Variants in KMT2D observed in about 807,000 individuals in gnomAD.
KMT2D encodes lysine methyltransferase 2D, also known as histone-lysine N-methyltransferase 2D.
Under a neutral mutation model 512.7 loss-of-function variants are expected in KMT2D, and 55 were observed. The ratio of observed to expected loss-of-function variants is 0.11; its 90% CI spans 0.09 to 0.13. KMT2D has a LOEUF of 0.13. Among genes scored for constraint, KMT2D ranks in the 10% least tolerant of loss-of-function variants. The pLI is 1.00. For missense variants in KMT2D, 6,061 were observed against 7,127.9 expected, an observed-to-expected ratio of 0.85 and a Z score of 5.39; for synonymous variants, 2,995 against 2,904.0, an observed-to-expected ratio of 1.03 and a Z score of -1.01.
rs1565774857 is a variant in KMT2D, at chr12:49,032,252, G to T, written c.12453C>A (p.Asn4151Lys). The T allele has an allele frequency of 6.2e-7, 1 of 1,613,948 alleles. No homozygotes were observed. The highest frequency in any genetic ancestry group is 1.6e-4 in the Middle Eastern group (1 of 6,062). The change falls in exon 40 of 55, where the codon AAC (asparagine) becomes AAA (lysine). Residue 4151 changes from asparagine to lysine, a missense_variant. Physicochemically the swap from Asn to Lys is moderately conservative, Grantham distance 94. Transcript: ENST00000301067. ...LGDQPGSMTQNLLGPQQPMLE... is the reference protein window; with the variant it reads ...LGDQPGSMTQKLLGPQQPMLE... Reference sequence around the variant, plus strand: ...GCATGGGCTGTTGGGGGCCCAGAAGGTTCTGGGTCATGGACCCAGGCTGAT... The same window carrying T: ...GCATGGGCTGTTGGGGGCCCAGAAGTTTCTGGGTCATGGACCCAGGCTGAT...
chr12:49,036,992 A>C, intron 35 of KMT2D, 133 bp downstream of exon 35: 1 of 1,122,928 alleles, frequency 8.9e-7, no homozygotes, highest in Non-Finnish European at 1.2e-6. Context: ...CTCTACCACT[A>C]GTATGATATT....
chr12:49,036,459 G>GCACCACCA (rs1325815494), intron 35 of KMT2D, among the ~76,000 whole-genome samples: 37 of 145,164 alleles, frequency 2.5e-4, no homozygotes, highest in Admixed American at 1.0e-3. Context: ...CTACAGGCGT[G>GCACCACCA]CACCACCACA....
In KMT2D at chr12:49,052,548, C is replaced by T. The variant is rs530028496; in HGVS notation, c.1258+16G>A. On this transcript the variant is annotated intron_variant, in intron 10 of 54. Transcript: ENST00000301067. ...TAAAAGGGGATGAATTTCAGGGACC[C>T]TCAAACCCTACTCACCTAGTGGTTT... 6.5e-5 allele frequency: 105 copies of T among 1,611,662 alleles called. No homozygotes were observed. The Middle Eastern group carries it at 6.6e-4, about 10-fold the overall frequency.
Position 49,031,548 on chromosome 12 carries a change from G to A in KMT2D, c.13157C>T (p.Thr4386Ile), listed in dbSNP as rs778416089. The change falls in exon 40 of 55, where the codon ACC (threonine) becomes ATC (isoleucine). Residue 4386 changes from threonine (T) to isoleucine (I), a missense_variant. Coordinates refer to ENST00000301067, the MANE Select transcript of KMT2D (RefSeq NM_003482.4). ...PWDPPDNLAE[T>I]QKPEQSSLVP... ...CAGGCTGCTCTGCTCTGGCTTCTGG[G>A]TTTCTGCTAGGTTGTCTGGGGGATC... 13 of 1,604,372 alleles carry A rather than the reference G, an allele frequency of 8.1e-6. No individual in the cohort carries two copies. In the African/African-American group the frequency reaches 1.6e-4, roughly 20 times the overall value.
rs1942488788 is a variant in KMT2D, at chr12:49,024,704, G to C, written c.15926C>G (p.Pro5309Arg). The change falls in exon 51 of 55, where the codon CCC becomes CGC. Residue 5309 changes from proline to arginine, a missense_variant. Pro to Arg is a moderately radical substitution (Grantham distance 103, BLOSUM62 -2). Around this residue, in one of 16 missense-constraint regions of KMT2D, gnomAD observed 261 missense variants for 440.7 expected, o/e 0.59. Transcript: ENST00000301067. The surrounding 1 kb of genome is among the most constrained non-coding windows in gnomAD (Gnocchi z 4.5). The part of the protein sequence containing the change: ...HAVLRIAESL[P>R]GVESCQNYLF... The stretch of plus-strand genomic sequence containing the variant: ...ATAGTTTTGACAGCTCTCCACCCCG[G>C]GCAGCTGTGGGCACAGTTCATACTC... 2 of 1,613,484 alleles carry C rather than the reference G, an allele frequency of 1.2e-6. No individual in the cohort carries two copies. Among genetic ancestry groups the C allele is most frequent in the Non-Finnish European group, 1.7e-6 (2 of 1,179,660 alleles).
rs2120544602 is a variant in KMT2D, at chr12:49,041,295, G to C, written c.6475C>G (p.Leu2159Val). 6.6e-7 allele frequency: 1 copy of C among 1,526,046 alleles called. No individual in the cohort carries two copies. Among genetic ancestry groups the C allele is most frequent in the Non-Finnish European group, 8.8e-7 (1 of 1,139,960 alleles). The allele number at this position is 1,526,046 out of a possible 1,614,324, so 94.5% of individuals were successfully genotyped here. Residue 2159 changes from leucine (L) to valine (V), a missense_variant, in exon 32 of 55, where the codon CTC becomes GTC. Physicochemically the swap from Leu to Val is conservative, Grantham distance 32. This residue lies in a region of KMT2D where 710 missense variants were observed against 647.3 expected (regional missense o/e 1.10). Transcript: ENST00000301067. The surrounding 1 kb of genome is among the most constrained non-coding windows in gnomAD (Gnocchi z 5.4). ...SVPGPDSPGE[L>V]FLKLPPQVPA... ...ACCTGGGGTGGGAGCTTGAGGAAGA[G>C]CTCACCAGGCGAGTCAGGGCCAGGC... is the stretch of plus-strand genomic sequence containing the variant.
rs768543447 is a variant in KMT2D, at chr12:49,041,736, T to C, written c.6184-31A>G. 2 of 1,597,674 alleles carry C rather than the reference T, an allele frequency of 1.3e-6. No homozygotes were observed. Among genetic ancestry groups the C allele is most frequent in the Non-Finnish European group, 1.7e-6 (2 of 1,171,342 alleles). On this transcript the variant is annotated intron_variant, in intron 30 of 54. Coordinates refer to ENST00000301067, the MANE Select transcript of KMT2D (RefSeq NM_003482.4). The surrounding 1 kb of genome is among the most constrained non-coding windows in gnomAD (Gnocchi z 5.4). ...GGATATGGGACACAGCCTTAGGGCC[T>C]AGTGCTTGGTCTCATGCCCCGCCCC...
In KMT2D at chr12:49,039,038, C is replaced by A. The variant is rs752593741; in HGVS notation, c.8367-49G>T. Reference sequence around the variant, plus strand: ...TAGGATGAAATCAGATGAAAAGGAGCAAGAACATGGGCTTAGGGCAGTGAG... The same window carrying A: ...TAGGATGAAATCAGATGAAAAGGAGAAAGAACATGGGCTTAGGGCAGTGAG... On this transcript the variant is annotated intron_variant, in intron 34 of 54. Coordinates refer to ENST00000301067, the MANE Select transcript of KMT2D (RefSeq NM_003482.4). This position sits in a 1 kb window ranked among gnomAD's most constrained non-coding sequence, Gnocchi z 5.0. 6.5e-7 allele frequency: 1 copy of A among 1,542,596 alleles called. No individual in the cohort carries two copies. Among genetic ancestry groups the A allele is most frequent in the South Asian group, 1.2e-5 (1 of 84,766 alleles).
Position 49,022,640 on chromosome 12 carries a change from T to C in KMT2D, c.16288A>G (p.Ile5430Val). ...HTMVIEYIGT[I>V]IRNEVANRRE... ...CGGTTGGCCACCTCGTTCCGAATGA[T>C]GGTGCCAATGTACTCGATAACCATT... The change falls in exon 52 of 55, where the codon ATC (isoleucine) becomes GTC (valine). Residue 5430 changes from isoleucine to valine, a missense_variant. Transcript: ENST00000301067. The surrounding 1 kb of genome is among the most constrained non-coding windows in gnomAD (Gnocchi z 8.6). 1 of 1,614,012 alleles carries C rather than the reference T, an allele frequency of 6.2e-7. No individual in the cohort carries two copies. The highest frequency in any genetic ancestry group is 2.2e-5 in the East Asian group (1 of 44,888).
chr12:49,040,166 C>T lies in KMT2D; in HGVS notation c.7604G>A (p.Arg2535His), dbSNP rs756461524. 13 of 1,613,656 alleles carry T rather than the reference C, an allele frequency of 8.1e-6. No individual in the cohort carries two copies. Among genetic ancestry groups the T allele is most frequent in the South Asian group, 5.5e-5 (5 of 91,092 alleles). ...CCCTACTGCCTGAGGGAAAGTGAAA[C>T]GCATGGGAGAGGGGGTGCCCACAAA... ...GAFVGTPSPM[R>H]FTFPQAVGEP... Residue 2535 changes from arginine to histidine, a missense_variant, in exon 32 of 55, where the codon CGT becomes CAT. This residue lies in a region of KMT2D where 710 missense variants were observed against 647.3 expected (regional missense o/e 1.10). Transcript: ENST00000301067.
chr12:49,043,626 A>G lies in KMT2D; in HGVS notation c.5467+9T>C, dbSNP rs779530962. 7 of 1,613,778 alleles carry G rather than the reference A, an allele frequency of 4.3e-6. No individual in the cohort carries two copies. Among genetic ancestry groups the G allele is most frequent in the East Asian group, 4.5e-5 (2 of 44,880 alleles). ...ATTCTCTCACACCACTCACTCCCACATAACTAACCTTTCTGCGATGTGGGG... is the reference window on the plus strand; with the variant it reads ...ATTCTCTCACACCACTCACTCCCACGTAACTAACCTTTCTGCGATGTGGGG... On this transcript the variant is annotated intron_variant, in intron 24 of 54. Coordinates refer to ENST00000301067, the MANE Select transcript of KMT2D (RefSeq NM_003482.4).
At position 49,046,582 on chromosome 12, in the gene KMT2D, C is replaced by T. The variant is rs748706505; in HGVS notation, c.4418+27G>A. Reference sequence around the variant, plus strand: ...ACTTTAACATCTCAAGGCCCCAGGGCTCCACTGAAGATCCCAGTCTCCTTA... The same window carrying T: ...ACTTTAACATCTCAAGGCCCCAGGGTTCCACTGAAGATCCCAGTCTCCTTA... On this transcript the variant is annotated intron_variant, in intron 16 of 54. Coordinates refer to ENST00000301067, the MANE Select transcript of KMT2D (RefSeq NM_003482.4). The surrounding 1 kb of genome is among the most constrained non-coding windows in gnomAD (Gnocchi z 4.2). 17 of 1,598,790 alleles carry T rather than the reference C, an allele frequency of 1.1e-5. No individual in the cohort carries two copies. In the Admixed American group the frequency reaches 1.2e-4, roughly 11 times the overall value.
Position 49,059,964 on chromosome 12 carries a change from GC to G in KMT2D, c.-390del, listed in dbSNP as rs1202239248. ...CTCTCAGTCCTAGGGCCCGGCCAGC[GC>G]CCCGGCCGCCCGCGCCGGGCTCGGG... is the stretch of plus-strand genomic sequence containing the variant. On this transcript the variant is annotated 5_prime_UTR_variant, in exon 1 of 55. Transcript: ENST00000301067. Among the ~76,000 whole-genome samples the G allele has an allele frequency of 2.0e-5, 3 of 151,708 alleles. No homozygotes were observed. Among genetic ancestry groups the G allele is most frequent in the Non-Finnish European group, 2.9e-5 (2 of 67,842 alleles).
At chr12:49,027,349 G>A (rs1942653727) in intron 48 of KMT2D, 27 bp from the exon 49 acceptor site, 2 of 1,500,712 alleles carry the variant, frequency 1.3e-6, no homozygotes, top group South Asian at 2.7e-5. Flanking sequence ...TGTATCATTA[G>A]TGCCAGCTCC....
At position 49,051,620 on chromosome 12, in the gene KMT2D, C is replaced by A. The variant is rs368472158; in HGVS notation, c.2063G>T (p.Arg688Leu). Reference protein sequence around the residue: ...SPTSPPPEASRLSPPPEDSPT... With the variant: ...SPTSPPPEASLLSPPPEDSPT... ...GGAGTCCTCAGGTGGTGGGGAGAGG[C>A]GTGAAGCCTCAGGTGGAGGGGACGT... The change falls in exon 11 of 55, where the codon CGC becomes CTC. Residue 688 changes from arginine (R) to leucine (L), a missense_variant. Physicochemically the swap from Arg to Leu is moderately radical, Grantham distance 102 (BLOSUM62 -2). Transcript: ENST00000301067. 3 of 1,548,910 alleles carry A rather than the reference C, an allele frequency of 1.9e-6. No individual in the cohort carries two copies. Among genetic ancestry groups the A allele is most frequent in the African/African-American group, 2.9e-5 (2 of 68,620 alleles).
At position 49,026,034 on chromosome 12, in the gene KMT2D, G is replaced by C. The variant is rs1328176290; in HGVS notation, c.15784+148C>G. ...AGAGGCTCAAACACTTTCACTGGGA[G>C]TTTTCAAGAGACCCCCTGCCTGCCT... On this transcript the variant is annotated intron_variant, in intron 49 of 54. Coordinates refer to ENST00000301067, the MANE Select transcript of KMT2D (RefSeq NM_003482.4). This position sits in a 1 kb window ranked among gnomAD's most constrained non-coding sequence, Gnocchi z 9.6. 1 of 708,708 alleles carries C rather than the reference G, an allele frequency of 1.4e-6. No homozygotes were observed. Among genetic ancestry groups the C allele is most frequent in the East Asian group, 2.7e-5 (1 of 37,454 alleles). The allele number at this position is 708,708 out of a possible 1,614,324, so 43.9% of individuals were successfully genotyped here. A position where few individuals can be genotyped will look rare whatever the true frequency, so the allele number is the denominator to read the frequency against.
chr12:49,048,773 A>C lies in KMT2D; in HGVS notation c.4021-4T>G. On this transcript the variant is annotated splice_region_variant and splice_polypyrimidine_tract_variant and intron_variant, in intron 13 of 54. Coordinates refer to ENST00000301067, the MANE Select transcript of KMT2D (RefSeq NM_003482.4). The stretch of plus-strand genomic sequence containing the variant: ...GAGAGCTATCAATGTCAGCAACCTG[A>C]TGGGCAGAGAGTTATGGAAAGTGAG... 6.4e-7 allele frequency: 1 copy of C among 1,574,788 alleles called. No homozygotes were observed.
Position 49,033,589 on chromosome 12 carries a change from G to C in KMT2D, c.11116C>G (p.Leu3706Val). ...SGGFFPGNLALRSLGPDSRLL... is the reference protein window; with the variant it reads ...SGGFFPGNLAVRSLGPDSRLL... ...CTTGAATCAGGTCCGAGGCTTCGAA[G>C]AGCAAGGTTGCCAGGGAAGAAGCCC... Residue 3706 changes from leucine (L) to valine (V), a missense_variant, in exon 40 of 55, where the codon CTT becomes GTT. This residue lies in a region of KMT2D where 1,600 missense variants were observed against 1,754.9 expected (regional missense o/e 0.91). Transcript: ENST00000301067. 6.2e-7 allele frequency: 1 copy of C among 1,613,602 alleles called. No homozygotes were observed. Among genetic ancestry groups the C allele is most frequent in the South Asian group, 1.1e-5 (1 of 91,084 alleles).
At chr12:49,030,207 C>T in intron 43 of KMT2D, 73 bp downstream of exon 43, 1 of 1,341,888 alleles carries the variant, frequency 7.5e-7, no homozygotes, top group Non-Finnish European at 1.0e-6. Context: ...AATTTCTAAA[C>T]TGTACAGCAT....
Sources: gnomAD v4.1 joint callset for allele counts (sites outside exome capture counted in the v4.1 genomes callset) on GRCh38, gnomAD v4.1.1 for gene constraint, gnomAD v4.1.1 regional missense constraint, Gnocchi (gnomAD v3.1) non-coding constraint, MANE v1.5 for transcripts, NCBI Gene and HGNC (gene_info 2026-07-23, HGNC 2026-07-21) for gene names.